Variants in DCDC1 observed in about 807,000 individuals in gnomAD.
DCDC1 encodes doublecortin domain containing 1, also known as doublecortin domain-containing protein 1.
A neutral mutation model predicts 178.3 loss-of-function variants in DCDC1; 200 were observed. The ratio of observed to expected loss-of-function variants is 1.12; its 90% CI spans 1.00 to 1.26. The LOEUF (loss-of-function observed/expected upper bound fraction) is 1.26, where lower values mean the gene tolerates loss of function less well. Ranked by LOEUF, DCDC1 falls within the 50% of genes most tolerant of loss-of-function variation. The pLI, the probability that DCDC1 is intolerant of heterozygous loss-of-function variation, is 0.00. For synonymous variants in DCDC1, 690 were observed against 604.8 expected (o/e 1.14, Z -2.07); for missense variants, 1,983 against 1,749.2 (o/e 1.13, Z -2.38).
At chr11:31,271,400 C>T (rs886925941) in intron 7 of DCDC1, among the ~76,000 whole-genome samples, 19 of 152,218 alleles carry the variant, frequency 1.2e-4, no homozygotes, top group Admixed American at 3.3e-4. Flanking sequence ...GATATTGAAA[C>T]GTAAGTCTTT....
intron 9 of DCDC1, among the ~76,000 whole-genome samples, chr11:31,154,889 T>G (rs961539331): frequency 1.3e-5 from 2 of 152,228 alleles, no homozygotes; most frequent in African/African-American, 4.8e-5. Flanking sequence ...GTGGATGCAT[T>G]ACTATGCCCT....
intron 20 of DCDC1, among the ~76,000 whole-genome samples, chr11:31,008,158 C>T (rs1951964064): frequency 6.6e-6 from 1 of 152,082 alleles, no homozygotes; most frequent in Non-Finnish European, 1.5e-5. Context: ...TACAAAGAAA[C>T]TTTCAGGGGA....
chr11:31,135,065 C>T (rs1400255242), intron 10 of DCDC1, among the ~76,000 whole-genome samples: 7 of 152,040 alleles, frequency 4.6e-5, no homozygotes, highest in East Asian at 3.9e-4. Flanking sequence ...AGTGGTTTTA[C>T]GATGCATACG....
At chr11:31,159,275 G>A (rs1339800798) in intron 9 of DCDC1, among the ~76,000 whole-genome samples, 1 of 152,142 alleles carries the variant, frequency 6.6e-6, no homozygotes, top group Non-Finnish European at 1.5e-5. Context: ...CTTTCCTCCA[G>A]CTAGGTTTAT....
chr11:31,307,677 CT>C lies in DCDC1; in HGVS notation c.395del (p.Lys132ArgfsTer13). 6.2e-7 allele frequency: 1 copy of C among 1,614,048 alleles called. No homozygotes were observed. The highest frequency in any genetic ancestry group is 8.5e-7 in the Non-Finnish European group (1 of 1,179,956). On this transcript the variant is annotated frameshift_variant, in exon 4 of 39. Transcript: ENST00000684477. LOFTEE classifies it high-confidence loss of function. Reference protein sequence around the residue: ...KNNSCSISASKRNRPVSAPVG... With the variant: ...KNNSCSISASXRNRPVSAPVG... ...CTGGAGCACTGACAGGTCTGTTTCT[CT>C]TGGATGCTGATATAGAACAAGAATT...
intron 21 of DCDC1, among the ~76,000 whole-genome samples, chr11:30,936,609 G>C (rs970980487): frequency 1.3e-5 from 2 of 152,150 alleles, no homozygotes; most frequent in Non-Finnish European, 2.9e-5. Context: ...AGCACAGAAA[G>C]GGAGTGGGGA....
intron 20 of DCDC1, among the ~76,000 whole-genome samples, chr11:30,954,615 A>C (rs1948659071): frequency 6.6e-6 from 1 of 152,230 alleles, no homozygotes. Context: ...AAAATGTAAC[A>C]TTGTGGCAAG....
chr11:31,031,434 T>C (rs2135277295), intron 20 of DCDC1, among the ~76,000 whole-genome samples: 1 of 152,276 alleles, frequency 6.6e-6, no homozygotes, highest in East Asian at 1.9e-4. Context: ...ATTTTAGATA[T>C]TATTATACTT....
intron 8 of DCDC1, among the ~76,000 whole-genome samples, chr11:31,242,752 T>C (rs1282037740): frequency 2.6e-5 from 4 of 151,912 alleles, no homozygotes; most frequent in African/African-American, 9.7e-5. Flanking sequence ...GCTGAGCTGC[T>C]GAGAGGCTGA....
intron 6 of DCDC1, among the ~76,000 whole-genome samples, chr11:31,294,796 GAAAAAGAA>G (rs1161737250): frequency 1.9e-4 from 22 of 118,568 alleles, no homozygotes; most frequent in African/African-American, 6.5e-4. Context: ...GAAAAATAAA[GAAAAAGAA>G]AGAAAGAAAG....
intron 20 of DCDC1, among the ~76,000 whole-genome samples, chr11:30,961,720 G>A (rs1949110011): frequency 6.6e-6 from 1 of 151,804 alleles, no homozygotes; most frequent in Non-Finnish European, 1.5e-5. Flanking sequence ...CAGTTTATAA[G>A]ACTGAATTTA....
At chr11:30,866,771 T>G (rs964880452) in intron 38 of DCDC1, among the ~76,000 whole-genome samples, 1 of 152,158 alleles carries the variant, frequency 6.6e-6, no homozygotes, top group Non-Finnish European at 1.5e-5. Flanking sequence ...TACTGTGGTC[T>G]GAATATGACT....
At chr11:30,988,707 A>G (rs1012086933) in intron 20 of DCDC1, among the ~76,000 whole-genome samples, 1 of 152,216 alleles carries the variant, frequency 6.6e-6, no homozygotes, top group Non-Finnish European at 1.5e-5. Context: ...ATGATAGCTG[A>G]TAACTGATGA....
intron 3 of DCDC1, among the ~76,000 whole-genome samples, chr11:31,310,301 ATTCTTGATTTTTTTTTT>A (rs922679443): frequency 9.2e-6 from 1 of 108,836 alleles, no homozygotes; most frequent in African/African-American, 4.3e-5. Flanking sequence ...GTTTTCAGTA[ATTCTTGATTTTTTTTTT>A]TTTTTTTTTT....
At chr11:31,143,166 A>G (rs1328276807) in intron 9 of DCDC1, among the ~76,000 whole-genome samples, 6 of 152,210 alleles carry the variant, frequency 3.9e-5, no homozygotes, top group Admixed American at 6.5e-5. Context: ...AATACAATCT[A>G]TAAGTAAGAA....
chr11:30,923,591 C>T (rs1183576195), intron 23 of DCDC1, among the ~76,000 whole-genome samples: 1 of 149,768 alleles, frequency 6.7e-6, no homozygotes, highest in African/African-American at 2.4e-5. Context: ...TATGAAGACC[C>T]AGGGGAAACT....
At chr11:31,173,803 G>A (rs1460827601) in intron 9 of DCDC1, among the ~76,000 whole-genome samples, 1 of 151,706 alleles carries the variant, frequency 6.6e-6, no homozygotes, top group African/African-American at 2.4e-5. Flanking sequence ...TTTTTTGGGT[G>A]ACAACCCAAA....
intron 7 of DCDC1, among the ~76,000 whole-genome samples, chr11:31,289,297 A>G (rs956565523): frequency 1.3e-5 from 2 of 152,030 alleles, no homozygotes; most frequent in African/African-American, 2.4e-5. Context: ...GCATTTTAAC[A>G]GTCCAAGAGA....
chr11:31,264,932 C>T (rs191060761), intron 8 of DCDC1, among the ~76,000 whole-genome samples: 2 of 152,196 alleles, frequency 1.3e-5, no homozygotes, highest in African/African-American at 4.8e-5. Flanking sequence ...GGTATGAGCA[C>T]CTATACCATG....
Sources: allele counts gnomAD v4.1 joint callset (sites outside exome capture counted in the v4.1 genomes callset), GRCh38; gene constraint gnomAD v4.1.1; transcripts MANE v1.5; gene names NCBI Gene and HGNC (gene_info 2026-07-23, HGNC 2026-07-21).